AUTS2: variants seen among roughly 807,000 people sequenced by gnomAD.
AUTS2 encodes the protein autism susceptibility gene 2 protein.
In AUTS2, 17 loss-of-function variants were observed where a neutral mutation model predicts 112.4. The ratio of observed to expected loss-of-function variants is 0.15; its 90% CI spans 0.10 to 0.23. The LOEUF (loss-of-function observed/expected upper bound fraction) is 0.23. AUTS2 is among the 10% of genes least tolerant of loss of function. AUTS2 has a pLI of 1.00. For missense variants in AUTS2, 1,510 were observed against 1,701.6 expected, an observed-to-expected ratio of 0.89 and a Z score of 1.98; for synonymous variants, 751 against 702.7, an observed-to-expected ratio of 1.07 and a Z score of -1.09.
intron 4 of AUTS2, among the ~76,000 whole-genome samples, chr7:70,159,250 T>G (rs1807951110): frequency 1.3e-5 from 2 of 152,222 alleles, no homozygotes; most frequent in African/African-American, 2.4e-5. Flanking sequence ...TCACACGTGT[T>G]TGAAGTAATT....
chr7:70,290,537 A>G, intron 4 of AUTS2: 1 of 1,529,658 alleles, frequency 6.5e-7, no homozygotes, highest in Non-Finnish European at 8.8e-7. Flanking sequence ...CTCACATTTG[A>G]ATTCTAATAC....
At chr7:69,676,761 T>C (rs1417942330) in intron 1 of AUTS2, among the ~76,000 whole-genome samples, 6 of 152,132 alleles carry the variant, frequency 3.9e-5, no homozygotes, top group African/African-American at 1.4e-4. Flanking sequence ...GTGGATAGGC[T>C]CCCTACCTGC....
chr7:69,796,539 G>T (rs985415891), intron 1 of AUTS2, among the ~76,000 whole-genome samples: 1 of 145,462 alleles, frequency 6.9e-6, no homozygotes, highest in Non-Finnish European at 1.5e-5. Context: ...AAAAAAAAAA[G>T]AAAAGAAAAT....
intron 14 of AUTS2, 130 bp from the exon 15 acceptor site, chr7:70,781,485 G>A (rs1791076061): frequency 8.8e-7 from 1 of 1,140,840 alleles, no homozygotes; most frequent in Non-Finnish European, 1.2e-6. Context: ...TTGTGTAGCT[G>A]CTTTCTCTCA....
At chr7:70,056,767 C>T (rs992740148) in intron 2 of AUTS2, among the ~76,000 whole-genome samples, 8 of 152,102 alleles carry the variant, frequency 5.3e-5, no homozygotes, top group African/African-American at 1.4e-4. Flanking sequence ...GTTTGGACAG[C>T]GCTTCCGAAG....
intron 1 of AUTS2, among the ~76,000 whole-genome samples, chr7:69,784,672 G>C (rs538461029): frequency 6.6e-6 from 1 of 152,324 alleles, no homozygotes; most frequent in Non-Finnish European, 1.5e-5. Context: ...GAAAGGAACA[G>C]TTACAGGGAG....
intron 2 of AUTS2, among the ~76,000 whole-genome samples, chr7:70,061,335 C>T (rs79286689): frequency 0.014 from 2,169 of 152,248 alleles, 29 homozygotes; most frequent in Non-Finnish European, 0.02. Flanking sequence ...AGGAAAACAG[C>T]CGCATTCCTG....
chr7:70,479,217 T>C (rs1185930425), intron 5 of AUTS2, among the ~76,000 whole-genome samples: 1 of 152,194 alleles, frequency 6.6e-6, no homozygotes, highest in Non-Finnish European at 1.5e-5. Flanking sequence ...GATGTCCTTT[T>C]CACTTCTTTC....
chr7:70,537,023 A>G (rs1021116131), intron 5 of AUTS2, among the ~76,000 whole-genome samples: 4 of 152,196 alleles, frequency 2.6e-5, no homozygotes, highest in Admixed American at 2.6e-4. Flanking sequence ...GCCCCACTCC[A>G]CAACACATCC....
At chr7:70,767,905 T>C (rs1360596021) in intron 9 of AUTS2, 119 bp from the exon 10 acceptor site, 2 of 893,754 alleles carry the variant, frequency 2.2e-6, no homozygotes, top group Non-Finnish European at 3.5e-6. Flanking sequence ...TCATATGTAA[T>C]GAGGTTATGG....
At chr7:70,337,470 T>TACG (rs1264819987) in intron 4 of AUTS2, among the ~76,000 whole-genome samples, 11 of 152,190 alleles carry the variant, frequency 7.2e-5, no homozygotes, top group African/African-American at 2.7e-4. Flanking sequence ...CTTCTTACGT[T>TACG]CTGGAATATT....
intron 4 of AUTS2, among the ~76,000 whole-genome samples, chr7:70,314,130 G>A (rs760779657): frequency 2.0e-5 from 3 of 152,160 alleles, no homozygotes; most frequent in Non-Finnish European, 4.4e-5. Flanking sequence ...GGCTCCCAAG[G>A]ACACAGTGAG....
intron 2 of AUTS2, among the ~76,000 whole-genome samples, chr7:70,049,605 C>A (rs1050947675): frequency 4.6e-5 from 7 of 152,110 alleles, no homozygotes; most frequent in African/African-American, 1.7e-4. Flanking sequence ...GCTGGGATTA[C>A]AGGCGCCCAG....
intron 1 of AUTS2, among the ~76,000 whole-genome samples, chr7:69,625,180 C>T (rs547904424): frequency 2.0e-5 from 3 of 152,322 alleles, no homozygotes; most frequent in African/African-American, 7.2e-5. Flanking sequence ...CAATTCTTAG[C>T]AGAAGCGGAC....
At chr7:70,221,416 C>T (rs1811480524) in intron 4 of AUTS2, among the ~76,000 whole-genome samples, 1 of 152,138 alleles carries the variant, frequency 6.6e-6, no homozygotes, top group African/African-American at 2.4e-5. Context: ...TGTACATTCT[C>T]TGAGATTTGG....
chr7:69,952,631 C>T (rs1281032077), intron 2 of AUTS2, among the ~76,000 whole-genome samples: 1 of 152,088 alleles, frequency 6.6e-6, no homozygotes, highest in Non-Finnish European at 1.5e-5. Context: ...TGGACTAGAT[C>T]ATGTTTCCTT....
chr7:70,496,214 G>T (rs1401980131), intron 5 of AUTS2, among the ~76,000 whole-genome samples: 1 of 67,894 alleles, frequency 1.5e-5, no homozygotes, highest in Non-Finnish European at 2.7e-5. Context: ...CATCAGCATC[G>T]ATCACACACA....
chr7:69,688,363 C>G (rs1254833427), intron 1 of AUTS2, among the ~76,000 whole-genome samples: 2 of 152,164 alleles, frequency 1.3e-5, no homozygotes, highest in Non-Finnish European at 2.9e-5. Context: ...TGAAGTTGCA[C>G]CTTAGATTCA....
At chr7:69,867,455 T>C (rs1354097791) in intron 1 of AUTS2, among the ~76,000 whole-genome samples, 4 of 152,216 alleles carry the variant, frequency 2.6e-5, no homozygotes, top group Admixed American at 6.5e-5. Context: ...TAAAAACTGC[T>C]CACGTTCCTG....
Sources: gnomAD v4.1 joint callset for allele counts (sites outside exome capture counted in the v4.1 genomes callset) on GRCh38, gnomAD v4.1.1 for gene constraint, MANE v1.5 for transcripts, NCBI Gene and HGNC (gene_info 2026-07-23, HGNC 2026-07-21) for gene names.